PDZD8: variants seen among roughly 807,000 people sequenced by gnomAD.
PDZD8 encodes the protein PDZ domain-containing protein 8.
PDZD8 carries 14 observed loss-of-function variants against 85.8 expected under a neutral mutation model. The ratio of observed to expected loss-of-function variants is 0.16; its 90% CI spans 0.11 to 0.26. The LOEUF (loss-of-function observed/expected upper bound fraction) is 0.26, where lower values mean the gene tolerates loss of function less well. Ranked by LOEUF, PDZD8 falls within the 10% of genes least tolerant of loss-of-function variation. The pLI is 1.00. For missense variants in PDZD8, 1,197 were observed against 1,424.3 expected (o/e 0.84, Z 2.57); for synonymous variants, 592 against 568.6 (o/e 1.04, Z -0.59).
chr10:117,346,417 A>G (rs2133855820), intron 1 of PDZD8, among the ~76,000 whole-genome samples: 1 of 152,244 alleles, frequency 6.6e-6, no homozygotes, highest in African/African-American at 2.4e-5. Context: ...TTAATCTGAA[A>G]GAATGGTTCA....
rs924824137 is a variant in PDZD8 at position 117,280,380 on chromosome 10, A to T, written c.*2888T>A. 1.3e-5 allele frequency: 2 copies of T among 152,236 alleles called. No individual in the cohort carries two copies. Among genetic ancestry groups the T allele is most frequent in the African/African-American group, 4.8e-5 (2 of 41,470 alleles). The allele number at this position is 152,236 out of a possible 1,614,324, so 9.4% of individuals were successfully genotyped here. A position where few individuals can be genotyped will look rare whatever the true frequency, so the allele number is the denominator to read the frequency against. On this transcript the variant is annotated 3_prime_UTR_variant, in exon 5 of 5. Transcript: ENST00000334464. ...AGTCTGCAAAACAGCAATTTTGTTT[A>T]GGAAAAGTGGACTTTGTTATGCTTT... is the stretch of plus-strand genomic sequence containing the variant.
chr10:117,374,413 A>G lies in PDZD8; in HGVS notation c.815T>C (p.Val272Ala). ...CTTGATGATCTTCTTGAGCTGGTTG[A>G]CGATGATGGAGGTGAGCTGGGGCAT... ...RPMPQLTSIIVNQLKKIIKRK... is the reference protein window; with the variant it reads ...RPMPQLTSIIANQLKKIIKRK... The change falls in exon 1 of 5, where the codon GTC becomes GCC. Residue 272 changes from valine to alanine, a missense_variant. Physicochemically the swap from Val to Ala is moderately conservative, Grantham distance 64 (BLOSUM62 0). Coordinates refer to ENST00000334464, the MANE Select transcript of PDZD8 (RefSeq NM_173791.5). This position sits in a 1 kb window ranked among gnomAD's most constrained non-coding sequence, Gnocchi z 7.8. The G allele has an allele frequency of 6.2e-7, 1 of 1,614,208 alleles. No homozygotes were observed. The highest frequency in any genetic ancestry group is 8.5e-7 in the Non-Finnish European group (1 of 1,180,028).
At chr10:117,340,948 G>A (rs367846175) in intron 2 of PDZD8, 32 bp downstream of exon 2, 17 of 1,611,440 alleles carry the variant, frequency 1.1e-5, no homozygotes, top group African/African-American at 5.3e-5. Context: ...TGTTCTTCCC[G>A]TAACTTAGTA....
chr10:117,343,499 T>C (rs1046784165), intron 1 of PDZD8, among the ~76,000 whole-genome samples: 7 of 152,126 alleles, frequency 4.6e-5, no homozygotes, highest in Admixed American at 4.6e-4. Context: ...TAACACACAG[T>C]CCTTATGACT....
At chr10:117,297,718 C>A (rs1215605738) in intron 3 of PDZD8, among the ~76,000 whole-genome samples, 2 of 151,846 alleles carry the variant, frequency 1.3e-5, no homozygotes, top group Non-Finnish European at 2.9e-5. Context: ...TGGATGTAAC[C>A]CCAATGTAAG....
Position 117,374,626 on chromosome 10 carries a change from C to G in PDZD8, c.602G>C (p.Gly201Ala). The G allele has an allele frequency of 6.3e-7, 1 of 1,583,760 alleles. No individual in the cohort carries two copies. Residue 201 changes from glycine to alanine, a missense_variant, in exon 1 of 5, where the codon GGC becomes GCC. Transcript: ENST00000334464. This position sits in a 1 kb window ranked among gnomAD's most constrained non-coding sequence, Gnocchi z 7.8. Reference sequence around the variant, plus strand: ...GTCCACGTCGATGGCCAGGTGGAAGCCCCCGTTGTACTCCACCTCCGCCTC... The same window carrying G: ...GTCCACGTCGATGGCCAGGTGGAAGGCCCCGTTGTACTCCACCTCCGCCTC... ...AFEAEVEYNG[G>A]FHLAIDVDLV...
At chr10:117,359,431 C>T (rs370050562) in intron 1 of PDZD8, among the ~76,000 whole-genome samples, 11 of 151,042 alleles carry the variant, frequency 7.3e-5, no homozygotes, top group African/African-American at 2.7e-4. Flanking sequence ...CAACAACAGG[C>T]TAGGCACGGT....
chr10:117,310,051 G>A (rs968916075), intron 3 of PDZD8, among the ~76,000 whole-genome samples: 30 of 152,038 alleles, frequency 2.0e-4, no homozygotes, highest in Non-Finnish European at 3.7e-4. Context: ...AAGGTGGTCC[G>A]ACCTTTTTAT....
rs953792158 is a variant in PDZD8, at chr10:117,375,427, C to G, written c.-200G>C. On this transcript the variant is annotated 5_prime_UTR_variant, in exon 1 of 5. Transcript: ENST00000334464. The stretch of plus-strand genomic sequence containing the variant: ...CGGCCCGCGCCTCCTCAGACGCTCC[C>G]GAAGGGCCGGTGTGGCGGCGGCGGC... 8 of 274,898 alleles carry G rather than the reference C, an allele frequency of 2.9e-5. No homozygotes were observed. The highest frequency in any genetic ancestry group is 1.6e-4 in the Admixed American group (3 of 18,748). 17.0% of individuals were successfully genotyped at this position (274,898 alleles called of 1,614,324 possible). A position where few individuals can be genotyped will look rare whatever the true frequency, so the allele number is the denominator to read the frequency against.
chr10:117,302,774 T>C (rs1444043331), intron 3 of PDZD8, among the ~76,000 whole-genome samples: 1 of 152,152 alleles, frequency 6.6e-6, no homozygotes. Flanking sequence ...CTCGTGATAG[T>C]GAATTAAGTC....
chr10:117,364,830 T>C (rs1376810488), intron 1 of PDZD8, among the ~76,000 whole-genome samples: 1 of 152,008 alleles, frequency 6.6e-6, no homozygotes, highest in East Asian at 1.9e-4. Flanking sequence ...ACATCCATGT[T>C]ACACTTCACA....
intron 4 of PDZD8, among the ~76,000 whole-genome samples, chr10:117,287,281 C>A (rs1844680429): frequency 6.6e-6 from 1 of 152,128 alleles, no homozygotes; most frequent in African/African-American, 2.4e-5. Context: ...CCTCTAGCTT[C>A]TTTTTCTCCA....
intron 3 of PDZD8, among the ~76,000 whole-genome samples, chr10:117,317,147 T>C (rs1474698405): frequency 6.6e-6 from 1 of 152,214 alleles, no homozygotes; most frequent in African/African-American, 2.4e-5. Context: ...TTTTATTCTG[T>C]ATATTCATTA....
chr10:117,356,814 C>G (rs1245664906), intron 1 of PDZD8, among the ~76,000 whole-genome samples: 1 of 152,150 alleles, frequency 6.6e-6, no homozygotes. Flanking sequence ...ACTGAGATTA[C>G]TGTCTATTTG....
At chr10:117,345,888 T>C (rs998274774) in intron 1 of PDZD8, among the ~76,000 whole-genome samples, 1 of 152,126 alleles carries the variant, frequency 6.6e-6, no homozygotes, top group African/African-American at 2.4e-5. Context: ...CCATGTTAAA[T>C]ATGTCTCCAT....
At chr10:117,370,678 T>A (rs2133894636) in intron 1 of PDZD8, among the ~76,000 whole-genome samples, 1 of 152,202 alleles carries the variant, frequency 6.6e-6, no homozygotes, top group East Asian at 1.9e-4. Flanking sequence ...CTGTCTCTTC[T>A]ATTTGGAAAC....
In PDZD8 at chr10:117,374,407, T is replaced by C; in HGVS notation, c.821A>G (p.Gln274Arg). ...MPQLTSIIVNQLKKIIKRKHT... is the reference protein window; with the variant it reads ...MPQLTSIIVNRLKKIIKRKHT... ...CTTGCGCTTGATGATCTTCTTGAGC[T>C]GGTTGACGATGATGGAGGTGAGCTG... The change falls in exon 1 of 5, where the codon CAG becomes CGG. Residue 274 changes from glutamine (Q) to arginine (R), a missense_variant. Gln to Arg is a conservative substitution (Grantham distance 43). Transcript: ENST00000334464. The surrounding 1 kb of genome is among the most constrained non-coding windows in gnomAD (Gnocchi z 7.8). 1 of 1,614,238 alleles carries C rather than the reference T, an allele frequency of 6.2e-7. No homozygotes were observed. The highest frequency in any genetic ancestry group is 8.5e-7 in the Non-Finnish European group (1 of 1,180,034).
At chr10:117,330,036 G>T (rs1293341477) in intron 2 of PDZD8, among the ~76,000 whole-genome samples, 14 of 103,618 alleles carry the variant, frequency 1.4e-4, no homozygotes, top group East Asian at 9.4e-4. Context: ...GAAGGAGGGA[G>T]GGAGGGAGGG....
chr10:117,312,403 A>G (rs181320877), intron 3 of PDZD8, among the ~76,000 whole-genome samples: 3 of 152,280 alleles, frequency 2.0e-5, no homozygotes, highest in Admixed American at 2.0e-4. Flanking sequence ...AACTGATAAA[A>G]TCAGATTTTT....
Sources: allele counts gnomAD v4.1 joint callset (sites outside exome capture counted in the v4.1 genomes callset), GRCh38; gene constraint gnomAD v4.1.1; non-coding constraint Gnocchi (gnomAD v3.1); transcripts MANE v1.5; gene names NCBI Gene and HGNC (gene_info 2026-07-23, HGNC 2026-07-21).